NOVA1: variants seen among roughly 807,000 people sequenced by gnomAD.
NOVA1 encodes RNA-binding protein Nova-1.
In NOVA1, 7 loss-of-function variants were observed where a neutral mutation model predicts 38.0. The ratio of observed to expected loss-of-function variants is 0.18; its 90% confidence interval spans 0.10 to 0.35. The LOEUF (loss-of-function observed/expected upper bound fraction) is 0.35, where lower values mean the gene tolerates loss of function less well. NOVA1 is among the 10% of genes least tolerant of loss of function. NOVA1 has a pLI of 1.00. For synonymous variants in NOVA1, 270 were observed against 232.5 expected (o/e 1.16, Z -1.47); for missense variants, 460 against 616.0 (o/e 0.75, Z 2.68).
chr14:26,472,795 C>A (rs771219387), intron 3 of NOVA1, among the ~76,000 whole-genome samples: 111 of 151,544 alleles, frequency 7.3e-4, no homozygotes, highest in Non-Finnish European at 1.4e-3. Flanking sequence ...TGAATACAGT[C>A]GGAGATTTGA....
At chr14:26,491,895 T>C (rs1424352254) in intron 2 of NOVA1, among the ~76,000 whole-genome samples, 1 of 152,182 alleles carries the variant, frequency 6.6e-6, no homozygotes, top group African/African-American at 2.4e-5. Flanking sequence ...TTTTTCAATA[T>C]TGTTTTATCT....
chr14:26,459,337 GTATT>G (rs1218459923), intron 4 of NOVA1, among the ~76,000 whole-genome samples: 2 of 152,028 alleles, frequency 1.3e-5, no homozygotes, highest in Non-Finnish European at 2.9e-5. Flanking sequence ...ACTGCCTACA[GTATT>G]TAGTAAGGTA....
At chr14:26,573,185 G>A (rs1465176323) in intron 2 of NOVA1, among the ~76,000 whole-genome samples, 1 of 152,072 alleles carries the variant, frequency 6.6e-6, no homozygotes, top group East Asian at 1.9e-4. Context: ...TAAGCCAATG[G>A]AGGAAGAATA....
intron 2 of NOVA1, among the ~76,000 whole-genome samples, chr14:26,573,403 T>C (rs958723834): frequency 6.6e-6 from 1 of 152,112 alleles, no homozygotes; most frequent in African/African-American, 2.4e-5. Flanking sequence ...GGAGAGAAAG[T>C]GACCACAGGT....
intron 2 of NOVA1, among the ~76,000 whole-genome samples, chr14:26,591,074 T>A (rs1893814970): frequency 6.6e-6 from 1 of 151,786 alleles, no homozygotes; most frequent in Admixed American, 6.6e-5. Flanking sequence ...GAAACTGTAA[T>A]GTTAATACAG....
chr14:26,569,954 ATTC>A (rs1262846920), intron 2 of NOVA1, among the ~76,000 whole-genome samples: 16 of 152,068 alleles, frequency 1.1e-4, no homozygotes, highest in African/African-American at 3.9e-4. Flanking sequence ...CTAGATGATA[ATTC>A]TGTATCTTCC....
At chr14:26,485,843 G>A (rs1594380693) in intron 2 of NOVA1, among the ~76,000 whole-genome samples, 2 of 152,074 alleles carry the variant, frequency 1.3e-5, no homozygotes, top group African/African-American at 4.8e-5. Context: ...CATTTGGTTG[G>A]ATGAGTGACA....
chr14:26,479,309 C>G (rs1885240700), intron 3 of NOVA1: 1 of 151,882 alleles, frequency 6.6e-6, no homozygotes. Flanking sequence ...GTCATTTTCC[C>G]CCTACATCAT....
At chr14:26,548,388 AC>A (rs1655794548) in intron 2 of NOVA1, among the ~76,000 whole-genome samples, 1 of 152,130 alleles carries the variant, frequency 6.6e-6, no homozygotes. Flanking sequence ...AGATATGTGC[AC>A]ATTATAATTT....
rs1019193647 is a variant in NOVA1, at chr14:26,495,500, T to C, written c.281-15357A>G. ...CCCTATTATAACAAGCTTTTTTTTG[T>C]TGTTGTTTATTATACTTTAAGTTTT... On this transcript the variant is annotated intron_variant, in intron 2 of 4. Transcript: ENST00000539517. Among the ~76,000 whole-genome samples the C allele has an allele frequency of 4.6e-5, 7 of 152,164 alleles. No homozygotes were observed. The South Asian group carries it at 6.2e-4, about 14-fold the overall frequency.
chr14:26,590,840 G>C (rs1893800842), intron 2 of NOVA1, among the ~76,000 whole-genome samples: 1 of 151,634 alleles, frequency 6.6e-6, no homozygotes, highest in Non-Finnish European at 1.5e-5. Flanking sequence ...CCAAAGCCCA[G>C]AAAGCATCAA....
At chr14:26,597,119 A>G (rs1169276234) in intron 1 of NOVA1, 182 bp downstream of exon 1, 1 of 1,181,728 alleles carries the variant, frequency 8.5e-7, no homozygotes. Context: ...GGGGACACCT[A>G]GGCGCGGGGC....
At chr14:26,492,711 T>C (rs1349395622) in intron 2 of NOVA1, among the ~76,000 whole-genome samples, 1 of 152,134 alleles carries the variant, frequency 6.6e-6, no homozygotes, top group East Asian at 1.9e-4. Context: ...TTCACGCCTG[T>C]AATCCCAACA....
intron 2 of NOVA1, among the ~76,000 whole-genome samples, chr14:26,564,027 T>G (rs1403248564): frequency 2.6e-5 from 4 of 152,148 alleles, no homozygotes; most frequent in African/African-American, 9.6e-5. Context: ...AAAGTGTGTA[T>G]AGCAAGACAA....
At chr14:26,455,328 A>G (rs1274225135) in intron 4 of NOVA1, among the ~76,000 whole-genome samples, 2 of 152,078 alleles carry the variant, frequency 1.3e-5, no homozygotes, top group African/African-American at 2.4e-5. Context: ...ACTTTATCCT[A>G]TCTAAAGCAT....
chr14:26,484,663 C>T (rs1340141646), intron 2 of NOVA1, among the ~76,000 whole-genome samples: 1 of 151,812 alleles, frequency 6.6e-6, no homozygotes, highest in African/African-American at 2.4e-5. Flanking sequence ...TTTTTTTCTC[C>T]TTGAATCTAG....
At chr14:26,472,206 T>C (rs1389363531) in intron 4 of NOVA1, 114 bp downstream of exon 4, 3 of 683,160 alleles carry the variant, frequency 4.4e-6, no homozygotes, top group Non-Finnish European at 8.1e-6. Context: ...AATCTGACTA[T>C]GGTGCATATA....
At chr14:26,529,437 C>T (rs113006437) in intron 2 of NOVA1, among the ~76,000 whole-genome samples, 3 of 152,010 alleles carry the variant, frequency 2.0e-5, no homozygotes, top group African/African-American at 7.3e-5. Context: ...CACGCCCAGC[C>T]GAAGTGGTTA....
chr14:26,454,649 C>T (rs1883004638), intron 4 of NOVA1, among the ~76,000 whole-genome samples: 1 of 152,136 alleles, frequency 6.6e-6, no homozygotes, highest in African/African-American at 2.4e-5. Flanking sequence ...TAATTTGTAA[C>T]TGACCAAAAA....
Sources: allele counts gnomAD v4.1 joint callset (sites outside exome capture counted in the v4.1 genomes callset), GRCh38; gene constraint gnomAD v4.1.1; transcripts MANE v1.5; gene names NCBI Gene and HGNC (gene_info 2026-07-23, HGNC 2026-07-21).